Variants in FAM162B observed in about 807,000 individuals in gnomAD.
FAM162B encodes family with sequence similarity 162 member B, also known as protein FAM162B.
FAM162B carries 16 observed loss-of-function variants against 20.0 expected under a neutral mutation model. That is an observed-to-expected ratio of 0.80 (90% confidence interval 0.54 to 1.21). The LOEUF is 1.21. FAM162B is among the 50% of genes most tolerant of loss of function. FAM162B has a pLI of 0.00. For missense variants in FAM162B, 260 were observed against 227.5 expected, an observed-to-expected ratio of 1.14 and a Z score of -0.92; for synonymous variants, 83 against 89.7, an observed-to-expected ratio of 0.93 and a Z score of 0.42.
At chr6:116,754,167 T>C (rs1285281059) in intron 3 of FAM162B, among the ~76,000 whole-genome samples, 2 of 152,198 alleles carry the variant, frequency 1.3e-5, no homozygotes, top group Non-Finnish European at 2.9e-5. Context: ...GGCTACTATG[T>C]GCCAGAATTT....
intron 3 of FAM162B, 60 bp from the exon 4 acceptor site, chr6:116,752,755 T>TAGATAC (rs1554259853): frequency 4.7e-6 from 2 of 426,634 alleles, no homozygotes; most frequent in African/African-American, 5.0e-5. Context: ...TATATATATA[T>TAGATAC]ATACATATAT....
intron 2 of FAM162B, among the ~76,000 whole-genome samples, chr6:116,764,836 C>G (rs1437680738): frequency 1.3e-5 from 2 of 152,224 alleles, no homozygotes; most frequent in Admixed American, 6.5e-5. Context: ...CTGTTTGGCA[C>G]AAGAGCCCCA....
At chr6:116,762,552 C>T (rs1320431178) in intron 2 of FAM162B, among the ~76,000 whole-genome samples, 2 of 151,686 alleles carry the variant, frequency 1.3e-5, no homozygotes, top group Non-Finnish European at 2.9e-5. Flanking sequence ...ATCTCTTGTC[C>T]CTTCACATGC....
intron 3 of FAM162B, among the ~76,000 whole-genome samples, chr6:116,754,843 A>G (rs1198310685): frequency 6.6e-6 from 1 of 152,166 alleles, no homozygotes; most frequent in African/African-American, 2.4e-5. Context: ...TTTCATTTTC[A>G]TAACATCTGT....
At chr6:116,755,618 C>T (rs2104917) in intron 3 of FAM162B, among the ~76,000 whole-genome samples, 9,268 of 152,196 alleles carry the variant, frequency 0.061, 378 homozygotes, top group African/African-American at 0.12. Context: ...GACAAAATAG[C>T]CTCATTTTGG....
At chr6:116,756,542 G>T (rs1780054070) in intron 3 of FAM162B, among the ~76,000 whole-genome samples, 1 of 152,214 alleles carries the variant, frequency 6.6e-6, no homozygotes, top group Non-Finnish European at 1.5e-5. Flanking sequence ...TAATAAAGTA[G>T]TGGTAGGGTT....
Position 116,765,658 on chromosome 6 carries a change from C to G in FAM162B, c.-82G>C. The G allele has an allele frequency of 8.1e-7, 1 of 1,238,068 alleles. No individual in the cohort carries two copies. Among genetic ancestry groups the G allele is most frequent in the East Asian group, 3.2e-5 (1 of 31,624 alleles). The allele number at this position is 1,238,068 out of a possible 1,614,324, so 76.7% of individuals were successfully genotyped here. A position where few individuals can be genotyped will look rare whatever the true frequency, so the allele number is the denominator to read the frequency against. Reference sequence around the variant, plus strand: ...CCCCGCAGCTCTCCTCGTCCCGCCCCGGCCTGCCGCGCGCTGGAGAGCCTG... The same window carrying G: ...CCCCGCAGCTCTCCTCGTCCCGCCCGGGCCTGCCGCGCGCTGGAGAGCCTG... On this transcript the variant is annotated 5_prime_UTR_variant, in exon 1 of 4. Coordinates refer to ENST00000368557, the MANE Select transcript of FAM162B (RefSeq NM_001085480.3).
chr6:116,760,972 C>T (rs1398887634), intron 3 of FAM162B, among the ~76,000 whole-genome samples: 1 of 152,088 alleles, frequency 6.6e-6, no homozygotes, highest in Non-Finnish European at 1.5e-5. Flanking sequence ...CTGAATGATA[C>T]GTATGCACTA....
At chr6:116,761,887 C>G in intron 3 of FAM162B, 90 bp downstream of exon 3, 1 of 905,484 alleles carries the variant, frequency 1.1e-6, no homozygotes. Context: ...AGGAGGTACT[C>G]ACCCTTTTGG....
rs1771884606 is a variant in FAM162B, at chr6:116,765,193, A to G, written c.235T>C (p.Trp79Arg). Reference sequence around the variant, plus strand: ...TCCATCGATTTGAAACGCCCTGTCCACAGCAGGATTTTCTTGTCGAACTGC... The same window carrying G: ...TCCATCGATTTGAAACGCCCTGTCCGCAGCAGGATTTTCTTGTCGAACTGC... ...PSQFDKKILL[W>R]TGRFKSMEEI... Residue 79 changes from tryptophan to arginine, a missense_variant, in exon 2 of 4, where the codon TGG becomes CGG. Coordinates refer to ENST00000368557, the MANE Select transcript of FAM162B (RefSeq NM_001085480.3). 2 of 1,613,826 alleles carry G rather than the reference A, an allele frequency of 1.2e-6. No homozygotes were observed. Among genetic ancestry groups the G allele is most frequent in the African/African-American group, 2.7e-5 (2 of 74,918 alleles).
chr6:116,757,849 C>T (rs1562467787), intron 3 of FAM162B, among the ~76,000 whole-genome samples: 1 of 151,316 alleles, frequency 6.6e-6, no homozygotes, highest in Admixed American at 6.6e-5. Context: ...ACCTTGATAA[C>T]AGCAGTTTGA....
chr6:116,761,693 TATAA>T (rs1487570361), intron 3 of FAM162B, among the ~76,000 whole-genome samples: 3 of 143,994 alleles, frequency 2.1e-5, no homozygotes, highest in East Asian at 2.0e-4. Context: ...TATATACATA[TATAA>T]ATACTTATAT....
intron 3 of FAM162B, among the ~76,000 whole-genome samples, chr6:116,753,127 A>G (rs952013955): frequency 5.3e-5 from 8 of 152,066 alleles, no homozygotes; most frequent in African/African-American, 1.4e-4. Flanking sequence ...ATCTCAATAA[A>G]TGGCAGCATC....
chr6:116,765,306 A>T, intron 1 of FAM162B, 51 bp from the exon 2 acceptor site: 1 of 1,590,842 alleles, frequency 6.3e-7, no homozygotes, highest in Non-Finnish European at 8.6e-7. Context: ...ACCGGCACAG[A>T]GGATCAGCGC....
intron 3 of FAM162B, 59 bp downstream of exon 3, chr6:116,761,918 G>T: frequency 8.1e-7 from 1 of 1,239,880 alleles, no homozygotes; most frequent in Non-Finnish European, 1.1e-6. Context: ...TTTTAGGGAG[G>T]TACTTAAAAA....
chr6:116,760,037 T>C (rs1780121298), intron 3 of FAM162B, among the ~76,000 whole-genome samples: 1 of 152,238 alleles, frequency 6.6e-6, no homozygotes, highest in Admixed American at 6.5e-5. Context: ...TTTTAGTTTA[T>C]GTGTTTACTT....
chr6:116,758,164 A>T (rs995579202), intron 3 of FAM162B, among the ~76,000 whole-genome samples: 1 of 152,188 alleles, frequency 6.6e-6, no homozygotes, highest in Non-Finnish European at 1.5e-5. Flanking sequence ...TTGGAGCAAG[A>T]ATCATTTACA....
chr6:116,758,962 C>A (rs915691154), intron 3 of FAM162B, among the ~76,000 whole-genome samples: 1 of 152,074 alleles, frequency 6.6e-6, no homozygotes, highest in African/African-American at 2.4e-5. Flanking sequence ...CTAGTCCTCC[C>A]TTAGAACTAT....
At position 116,752,711 on chromosome 6, in the gene FAM162B, A is replaced by AAT. The variant is rs10556522; in HGVS notation, c.391-18_391-17dup. Reference sequence around the variant, plus strand: ...GTTCTACAGCCTGTGGGGGGGAAGAAATATATATATATATATATATATAGA... The same window carrying AAT: ...GTTCTACAGCCTGTGGGGGGGAAGAAATATATATATATATATATATATATAGA... On this transcript the variant is annotated splice_polypyrimidine_tract_variant and intron_variant, in intron 3 of 3. Coordinates refer to ENST00000368557, the MANE Select transcript of FAM162B (RefSeq NM_001085480.3). The AAT allele has an allele frequency of 0.011, 5,509 of 479,826 alleles. 32 individuals are homozygous for AAT. Among genetic ancestry groups the AAT allele is most frequent in the Middle Eastern group, 0.02 (30 of 1,506 alleles). 29.7% of individuals were successfully genotyped at this position (479,826 alleles called of 1,614,324 possible).
Sources: gnomAD v4.1 joint callset for allele counts (sites outside exome capture counted in the v4.1 genomes callset) on GRCh38, gnomAD v4.1.1 for gene constraint, MANE v1.5 for transcripts, NCBI Gene and HGNC (gene_info 2026-07-23, HGNC 2026-07-21) for gene names.